The following PPIB variants were observed in gnomAD, a reference collection of about 807,000 sequenced individuals.
PPIB encodes peptidyl-prolyl cis-trans isomerase B.
In PPIB, 15 loss-of-function variants were observed where a neutral mutation model predicts 20.1. The observed-to-expected ratio is 0.75, with a 90% CI of 0.50 to 1.15. The LOEUF (loss-of-function observed/expected upper bound fraction) is 1.15, where lower values mean the gene tolerates loss of function less well. Ranked by LOEUF, PPIB falls within the 50% of genes most tolerant of loss-of-function variation. The pLI is 0.00. For synonymous variants in PPIB, 129 were observed against 111.0 expected (o/e 1.16, Z -1.02); for missense variants, 278 against 283.0 (o/e 0.98, Z 0.13).
chr15:64,162,727 G>A, intron 1 of PPIB, 125 bp downstream of exon 1: 2 of 1,472,026 alleles, frequency 1.4e-6, no homozygotes, highest in East Asian at 2.5e-5. Context: ...GACTGAATGG[G>A]CAGGACGGCC....
chr15:64,161,918 A>C lies in PPIB; in HGVS notation c.249+123T>G, dbSNP rs1409183685. 7.6e-6 allele frequency: 6 copies of C among 789,168 alleles called. No homozygotes were observed. The highest frequency in any genetic ancestry group is 1.4e-5 in the Non-Finnish European group (6 of 434,606). The allele number at this position is 789,168 out of a possible 1,614,324, so 48.9% of individuals were successfully genotyped here. On this transcript the variant is annotated intron_variant, in intron 2 of 4. Coordinates refer to ENST00000300026, the MANE Select transcript of PPIB (RefSeq NM_000942.5). This position sits in a 1 kb window ranked among gnomAD's most constrained non-coding sequence, Gnocchi z 4.2. Reference sequence around the variant, plus strand: ...GGCAATACTGTGTTCCCAGGGCAACAGGCAGTCGGTGCTCAGTGAGGTCCA... The same window carrying C: ...GGCAATACTGTGTTCCCAGGGCAACCGGCAGTCGGTGCTCAGTGAGGTCCA...
intron 1 of PPIB, 150 bp from the exon 2 acceptor site, chr15:64,162,304 A>G: frequency 1.4e-6 from 1 of 717,060 alleles, no homozygotes; most frequent in Admixed American, 2.1e-5. Flanking sequence ...GACGGTAAAA[A>G]TCCTATGAGA....
In PPIB at chr15:64,159,149, G is replaced by A. The variant is rs2081551247; in HGVS notation, c.343+955C>T. 1 of 152,212 alleles carries A rather than the reference G, an allele frequency of 6.6e-6. No homozygotes were observed. The highest frequency in any genetic ancestry group is 1.5e-5 in the Non-Finnish European group (1 of 68,052). The allele number at this position is 152,212 out of a possible 1,614,324, so 9.4% of individuals were successfully genotyped here. A position where few individuals can be genotyped will look rare whatever the true frequency, so the allele number is the denominator to read the frequency against. ...ATGGCTCACTTGTACATTTTCAGTT[G>A]TTGGAAGTAAAAGGGAGCCACTGCC... On this transcript the variant is annotated intron_variant, in intron 3 of 4. Transcript: ENST00000300026. This position sits in a 1 kb window ranked among gnomAD's most constrained non-coding sequence, Gnocchi z 5.1.
In PPIB at chr15:64,160,181, T is replaced by C. The variant is rs779947681; in HGVS notation, c.266A>G (p.Lys89Arg). The C allele has an allele frequency of 3.7e-6, 6 of 1,613,678 alleles. No individual in the cohort carries two copies. Among genetic ancestry groups the C allele is most frequent in the Non-Finnish European group, 5.1e-6 (6 of 1,179,562 alleles). ...GATTACACGATGGAATTTGCTGTTT[T>C]TGTAGCCAAATCCTTTCTAGAAAAA... ...LATGEKGFGY[K>R]NSKFHRVIKD... is the part of the protein sequence containing the mutation. Residue 89 changes from lysine (K) to arginine (R), a missense_variant, in exon 3 of 5, where the codon AAA becomes AGA. Coordinates refer to ENST00000300026, the MANE Select transcript of PPIB (RefSeq NM_000942.5). The surrounding 1 kb of genome is among the most constrained non-coding windows in gnomAD (Gnocchi z 4.8).
Position 64,160,902 on chromosome 15 carries a change from C to T in PPIB, c.250-705G>A, listed in dbSNP as rs200779927. 3.0e-4 allele frequency among the ~76,000 whole-genome samples: 45 copies of T among 152,196 alleles called. No individual in the cohort carries two copies. The East Asian group carries it at 3.9e-3, about 13-fold the overall frequency. On this transcript the variant is annotated intron_variant, in intron 2 of 4. Coordinates refer to ENST00000300026, the MANE Select transcript of PPIB (RefSeq NM_000942.5). The surrounding 1 kb of genome is among the most constrained non-coding windows in gnomAD (Gnocchi z 4.8). Reference sequence around the variant, plus strand: ...TAAACTCACATGATCTGCCCTCCTCCGCCTCCCAAAGTGCTGGGATTACAG... The same window carrying T: ...TAAACTCACATGATCTGCCCTCCTCTGCCTCCCAAAGTGCTGGGATTACAG...
Position 64,160,671 on chromosome 15 carries a change from A to T in PPIB, c.250-474T>A, listed in dbSNP as rs887852156. ...TTTTATTATTATTTTTTTGAGACAG[A>T]GTTTCTCTCTTGTCACCCAGGCTGG... On this transcript the variant is annotated intron_variant, in intron 2 of 4. Coordinates refer to ENST00000300026, the MANE Select transcript of PPIB (RefSeq NM_000942.5). This position sits in a 1 kb window ranked among gnomAD's most constrained non-coding sequence, Gnocchi z 4.8. 2.6e-5 allele frequency among the ~76,000 whole-genome samples: 4 copies of T among 152,052 alleles called. No individual in the cohort carries two copies. Among genetic ancestry groups the T allele is most frequent in the African/African-American group, 7.2e-5 (3 of 41,398 alleles).
chr15:64,156,090 T>C lies in PPIB; in HGVS notation c.584A>G (p.Lys195Arg). The C allele has an allele frequency of 6.2e-7, 1 of 1,614,214 alleles. No homozygotes were observed. The highest frequency in any genetic ancestry group is 8.5e-7 in the Non-Finnish European group (1 of 1,180,036). The stretch of plus-strand genomic sequence containing the variant: ...GCCGCAGTCTGCGATGATCACATCC[T>C]TCAGGGGTTTATCCCGGCTGTCTGT... ...TKTDSRDKPL[K>R]DVIIADCGKI... Residue 195 changes from lysine to arginine, a missense_variant, in exon 5 of 5, where the codon AAG becomes AGG. Transcript: ENST00000300026. This position sits in a 1 kb window ranked among gnomAD's most constrained non-coding sequence, Gnocchi z 6.4.
chr15:64,161,895 C>T lies in PPIB; in HGVS notation c.249+146G>A. 2 of 758,474 alleles carry T rather than the reference C, an allele frequency of 2.6e-6. No homozygotes were observed. The highest frequency in any genetic ancestry group is 2.5e-5 in the East Asian group (1 of 40,388). The allele number at this position is 758,474 out of a possible 1,614,324, so 47.0% of individuals were successfully genotyped here. On this transcript the variant is annotated intron_variant, in intron 2 of 4. Coordinates refer to ENST00000300026, the MANE Select transcript of PPIB (RefSeq NM_000942.5). This position sits in a 1 kb window ranked among gnomAD's most constrained non-coding sequence, Gnocchi z 4.2. ...GGGCCCCATTACTCTTAAGAAAGGGCAATACTGTGTTCCCAGGGCAACAGG... is the reference window on the plus strand; with the variant it reads ...GGGCCCCATTACTCTTAAGAAAGGGTAATACTGTGTTCCCAGGGCAACAGG...
chr15:64,160,638 T>A lies in PPIB; in HGVS notation c.250-441A>T, dbSNP rs1188952652. 6.6e-6 allele frequency among the ~76,000 whole-genome samples: 1 copy of A among 152,176 alleles called. No individual in the cohort carries two copies. Among genetic ancestry groups the A allele is most frequent in the African/African-American group, 2.4e-5 (1 of 41,450 alleles). On this transcript the variant is annotated intron_variant, in intron 2 of 4. Coordinates refer to ENST00000300026, the MANE Select transcript of PPIB (RefSeq NM_000942.5). The surrounding 1 kb of genome is among the most constrained non-coding windows in gnomAD (Gnocchi z 4.8). Reference sequence around the variant, plus strand: ...GACCCCTTACTCTTTTTTATCTCATTTTTTAAATTTTATTATTATTTTTTT... The same window carrying A: ...GACCCCTTACTCTTTTTTATCTCATATTTTAAATTTTATTATTATTTTTTT...
At chr15:64,162,309 A>G (rs1005678259) in intron 1 of PPIB, among the ~76,000 whole-genome samples, 155 bp from the exon 2 acceptor site, 1 of 152,214 alleles carries the variant, frequency 6.6e-6, no homozygotes, top group Non-Finnish European at 1.5e-5. Flanking sequence ...TAAAAATCCT[A>G]TGAGAATCTA....
At position 64,156,779 on chromosome 15, in the gene PPIB, C is replaced by T; in HGVS notation, c.474G>A (p.Lys158=). 6.2e-7 allele frequency: 1 copy of T among 1,614,208 alleles called. No individual in the cohort carries two copies. Among genetic ancestry groups the T allele is most frequent in the African/African-American group, 1.3e-5 (1 of 75,050 alleles). Residue 158 remains lysine, a synonymous_variant, in exon 4 of 5, where the codon AAG becomes AAA. Transcript: ENST00000300026. The surrounding 1 kb of genome is among the most constrained non-coding windows in gnomAD (Gnocchi z 6.4). ...NGSQFFITTV[K]TAWLDGKHVV... is the part of the protein sequence containing the mutation. The stretch of plus-strand genomic sequence containing the variant: ...CATGCTTGCCATCTAGCCAGGCTGT[C>T]TTGACTGTCGTGATGAAGAACTGGG...
chr15:64,157,248 T>G lies in PPIB; in HGVS notation c.344-339A>C, dbSNP rs1488671654. 5.4e-6 allele frequency: 2 copies of G among 367,340 alleles called. No homozygotes were observed. Among genetic ancestry groups the G allele is most frequent in the African/African-American group, 2.1e-5 (1 of 48,542 alleles). 22.8% of individuals were successfully genotyped at this position (367,340 alleles called of 1,614,324 possible). A position where few individuals can be genotyped will look rare whatever the true frequency, so the allele number is the denominator to read the frequency against. On this transcript the variant is annotated intron_variant, in intron 3 of 4. Coordinates refer to ENST00000300026, the MANE Select transcript of PPIB (RefSeq NM_000942.5). This position sits in a 1 kb window ranked among gnomAD's most constrained non-coding sequence, Gnocchi z 4.2. ...ACGGAGGGACTTTGGTGGAGGGAAG[T>G]GCCGTGCAGGATGCAGGGGAGTCAA...
In PPIB at chr15:64,159,793, G is replaced by A. The variant is rs2081555500; in HGVS notation, c.343+311C>T. 8.4e-6 allele frequency: 4 copies of A among 473,820 alleles called. No homozygotes were observed. Among genetic ancestry groups the A allele is most frequent in the South Asian group, 4.3e-5 (2 of 46,248 alleles). The allele number at this position is 473,820 out of a possible 1,614,324, so 29.4% of individuals were successfully genotyped here. ...ACATGTCTTCACTTTGCTTCCACACGCCTCTCTCCCCAATCCCCATTCTGA... is the reference window on the plus strand; with the variant it reads ...ACATGTCTTCACTTTGCTTCCACACACCTCTCTCCCCAATCCCCATTCTGA... On this transcript the variant is annotated intron_variant, in intron 3 of 4. Coordinates refer to ENST00000300026, the MANE Select transcript of PPIB (RefSeq NM_000942.5). The surrounding 1 kb of genome is among the most constrained non-coding windows in gnomAD (Gnocchi z 5.1).
chr15:64,161,554 T>C lies in PPIB; in HGVS notation c.249+487A>G, dbSNP rs970874012. Among the ~76,000 whole-genome samples, 1 of 151,882 alleles carries C rather than the reference T, an allele frequency of 6.6e-6. No homozygotes were observed. Among genetic ancestry groups the C allele is most frequent in the Non-Finnish European group, 1.5e-5 (1 of 67,964 alleles). On this transcript the variant is annotated intron_variant, in intron 2 of 4. Coordinates refer to ENST00000300026, the MANE Select transcript of PPIB (RefSeq NM_000942.5). The surrounding 1 kb of genome is among the most constrained non-coding windows in gnomAD (Gnocchi z 4.2). ...CAGCCTGGCCAACATGGTGAAACCC[T>C]GTCACTACTAAAAATACAAAATTAG...
chr15:64,157,100 G>A lies in PPIB; in HGVS notation c.344-191C>T. 3.2e-6 allele frequency: 2 copies of A among 619,614 alleles called. No homozygotes were observed. The highest frequency in any genetic ancestry group is 3.9e-5 in the South Asian group (2 of 50,670). 38.4% of individuals were successfully genotyped at this position (619,614 alleles called of 1,614,324 possible). On this transcript the variant is annotated intron_variant, in intron 3 of 4. Coordinates refer to ENST00000300026, the MANE Select transcript of PPIB (RefSeq NM_000942.5). The surrounding 1 kb of genome is among the most constrained non-coding windows in gnomAD (Gnocchi z 4.2). ...CAAGCCATGCTGACTGAGGCCAAGT[G>A]GGGCATCAGGCCAGGCTGATGTGGT... is the stretch of plus-strand genomic sequence containing the variant.
In PPIB at chr15:64,157,013, T is replaced by C; in HGVS notation, c.344-104A>G. The C allele has an allele frequency of 8.2e-7, 1 of 1,217,358 alleles. No homozygotes were observed. The highest frequency in any genetic ancestry group is 1.2e-6 in the Non-Finnish European group (1 of 857,700). The allele number at this position is 1,217,358 out of a possible 1,614,324, so 75.4% of individuals were successfully genotyped here. ...GCTTAACCTGTCCTCTGTGCCAGGC[T>C]AGGCTGGAGTGGACTACAAGGACAT... is the stretch of plus-strand genomic sequence containing the variant. On this transcript the variant is annotated intron_variant, in intron 3 of 4. Coordinates refer to ENST00000300026, the MANE Select transcript of PPIB (RefSeq NM_000942.5). The surrounding 1 kb of genome is among the most constrained non-coding windows in gnomAD (Gnocchi z 4.2).
In PPIB at chr15:64,156,270, G is replaced by T; in HGVS notation, c.529-125C>A. 7.9e-7 allele frequency: 1 copy of T among 1,268,484 alleles called. No homozygotes were observed. The highest frequency in any genetic ancestry group is 1.1e-6 in the Non-Finnish European group (1 of 892,702). The allele number at this position is 1,268,484 out of a possible 1,614,324, so 78.6% of individuals were successfully genotyped here. A position where few individuals can be genotyped will look rare whatever the true frequency, so the allele number is the denominator to read the frequency against. ...AAGTGATCAACAGCACACAAAACTG[G>T]AGGCACCAAAATTCTAACAGACTCC... On this transcript the variant is annotated intron_variant, in intron 4 of 4. Transcript: ENST00000300026. The surrounding 1 kb of genome is among the most constrained non-coding windows in gnomAD (Gnocchi z 6.4).
chr15:64,156,357 T>A lies in PPIB; in HGVS notation c.529-212A>T, dbSNP rs2081531377. ...GTACAGGAATTTTGTTCCTTTGAAG[T>A]AAGACCCAGGTTGGGCCAAGGGTGA... is the stretch of plus-strand genomic sequence containing the variant. On this transcript the variant is annotated intron_variant, in intron 4 of 4. Coordinates refer to ENST00000300026, the MANE Select transcript of PPIB (RefSeq NM_000942.5). The surrounding 1 kb of genome is among the most constrained non-coding windows in gnomAD (Gnocchi z 6.4). The A allele has an allele frequency of 5.6e-6, 4 of 715,204 alleles. No individual in the cohort carries two copies. The highest frequency in any genetic ancestry group is 9.5e-6 in the Non-Finnish European group (4 of 419,630). The allele number at this position is 715,204 out of a possible 1,614,324, so 44.3% of individuals were successfully genotyped here. A position where few individuals can be genotyped will look rare whatever the true frequency, so the allele number is the denominator to read the frequency against.
chr15:64,159,906 C>T lies in PPIB; in HGVS notation c.343+198G>A, dbSNP rs770243480. Reference sequence around the variant, plus strand: ...GATTCTCTTAGATCTACCATCAGGTCCACCCCATTATTCTCTCTCCTTTGT... The same window carrying T: ...GATTCTCTTAGATCTACCATCAGGTTCACCCCATTATTCTCTCTCCTTTGT... On this transcript the variant is annotated intron_variant, in intron 3 of 4. Transcript: ENST00000300026. This position sits in a 1 kb window ranked among gnomAD's most constrained non-coding sequence, Gnocchi z 5.1. The T allele has an allele frequency of 4.7e-6, 3 of 642,078 alleles. No individual in the cohort carries two copies. Among genetic ancestry groups the T allele is most frequent in the Non-Finnish European group, 8.4e-6 (3 of 357,432 alleles). The allele number at this position is 642,078 out of a possible 1,614,324, so 39.8% of individuals were successfully genotyped here. A position where few individuals can be genotyped will look rare whatever the true frequency, so the allele number is the denominator to read the frequency against.
Sources: allele counts gnomAD v4.1 joint callset (sites outside exome capture counted in the v4.1 genomes callset), GRCh38; gene constraint gnomAD v4.1.1; non-coding constraint Gnocchi (gnomAD v3.1); transcripts MANE v1.5; gene names NCBI Gene and HGNC (gene_info 2026-07-23, HGNC 2026-07-21).